The following ZNF586 variants were observed in gnomAD, a reference collection of about 807,000 sequenced individuals.
The protein encoded by ZNF586 is zinc finger protein 586.
ZNF586 carries 7 observed loss-of-function variants against 6.7 expected under a neutral mutation model. The observed-to-expected ratio is 1.04, with a 90% confidence interval of 0.59 to 1.95. The LOEUF is 1.95. ZNF586 is among the 30% of genes most tolerant of loss of function. ZNF586 has a pLI of 0.00. For missense variants in ZNF586, 442 were observed against 489.6 expected, an observed-to-expected ratio of 0.90 and a Z score of 0.92; for synonymous variants, 166 against 168.7, an observed-to-expected ratio of 0.98 and a Z score of 0.12.
chr19:57,770,872 G>A (rs1987078327), intron 1 of ZNF586, among the ~76,000 whole-genome samples: 1 of 150,518 alleles, frequency 6.6e-6, no homozygotes, highest in Admixed American at 6.6e-5. Context: ...TTTTTTCGGC[G>A]ACGGGTTCTC....
At chr19:57,775,035 T>C (rs1987196995) in intron 1 of ZNF586, among the ~76,000 whole-genome samples, 1 of 151,680 alleles carries the variant, frequency 6.6e-6, no homozygotes, top group Admixed American at 6.6e-5. Context: ...AGTCTCGCTC[T>C]GTCGCCCAGG....
Position 57,778,890 on chromosome 19 carries a change from C to A in ZNF586, c.303C>A (p.Ser101=). The part of the protein sequence containing the change: ...GEYRKLFKNK[S]CLTEPRRDHK... ...ATAGGAAATTATTTAAGAACAAGTC[C>A]TGCCTCACTGAACCCAGAAGAGATC... Residue 101 remains serine (S), a synonymous_variant, in exon 3 of 3, where the codon TCC becomes TCA. Coordinates refer to ENST00000396154, the MANE Select transcript of ZNF586 (RefSeq NM_017652.4). 6.2e-7 allele frequency: 1 copy of A among 1,614,082 alleles called. No individual in the cohort carries two copies. Among genetic ancestry groups the A allele is most frequent in the South Asian group, 1.1e-5 (1 of 91,072 alleles).
chr19:57,772,251 G>A (rs560729211), intron 1 of ZNF586, among the ~76,000 whole-genome samples: 27 of 152,336 alleles, frequency 1.8e-4, no homozygotes, highest in Admixed American at 7.8e-4. Flanking sequence ...GATAGCAGGT[G>A]TAATATTCAC....
At chr19:57,775,600 C>CTTT (rs563657252) in intron 1 of ZNF586, among the ~76,000 whole-genome samples, 4,730 of 122,686 alleles carry the variant, frequency 0.039, 490 homozygotes, top group African/African-American at 0.14. Context: ...CCTGGTTGCT[C>CTTT]TTTTTTTTTT....
intron 1 of ZNF586, among the ~76,000 whole-genome samples, chr19:57,773,379 G>A (rs1987142488): frequency 6.7e-6 from 1 of 150,132 alleles, no homozygotes; most frequent in Non-Finnish European, 1.5e-5. Flanking sequence ...CATGAAGGGA[G>A]GATACATCTG....
chr19:57,776,700 G>A (rs371453624), intron 2 of ZNF586, 31 bp downstream of exon 2: 206 of 1,567,908 alleles, frequency 1.3e-4, no homozygotes, highest in Non-Finnish European at 1.7e-4. Context: ...TGTGACCTGA[G>A]TTAGTCTGTG....
Position 57,780,038 on chromosome 19 carries a change from G to A in ZNF586, c.*242G>A. The A allele has an allele frequency of 2.0e-6, 1 of 509,092 alleles. No homozygotes were observed. Among genetic ancestry groups the A allele is most frequent in the Non-Finnish European group, 3.4e-6 (1 of 291,498 alleles). 31.5% of individuals were successfully genotyped at this position (509,092 alleles called of 1,614,324 possible). On this transcript the variant is annotated 3_prime_UTR_variant, in exon 3 of 3. Transcript: ENST00000396154. ...TTTACATGAGGAAAATACCACAGAT[G>A]TGGAGGTAATATTATTTTTTCTTCA... is the stretch of plus-strand genomic sequence containing the variant.
intron 1 of ZNF586, among the ~76,000 whole-genome samples, chr19:57,770,173 T>TA (rs975716785): frequency 6.7e-6 from 1 of 150,218 alleles, no homozygotes; most frequent in African/African-American, 2.4e-5. Flanking sequence ...TTTTTTTTTT[T>TA]TGAGACGGAG....
chr19:57,771,746 T>C (rs1282608757), intron 1 of ZNF586, among the ~76,000 whole-genome samples: 1 of 152,110 alleles, frequency 6.6e-6, no homozygotes. Context: ...ACTGCCCTAG[T>C]CGAGGTGAGG....
intron 2 of ZNF586, among the ~76,000 whole-genome samples, chr19:57,778,376 C>T (rs370417870): frequency 6.6e-6 from 1 of 152,080 alleles, no homozygotes; most frequent in Non-Finnish European, 1.5e-5. Context: ...TTCTCGGCCA[C>T]GTATATACCT....
intron 1 of ZNF586, among the ~76,000 whole-genome samples, chr19:57,771,829 AT>A (rs895469293): frequency 6.7e-5 from 10 of 149,874 alleles, no homozygotes; most frequent in African/African-American, 2.0e-4. Flanking sequence ...GGGCAAGTCA[AT>A]TTTTTTTTTC....
Position 57,779,537 on chromosome 19 carries a change from A to G in ZNF586, c.950A>G (p.His317Arg). The G allele has an allele frequency of 6.2e-7, 1 of 1,613,982 alleles. No homozygotes were observed. Among genetic ancestry groups the G allele is most frequent in the Non-Finnish European group, 8.5e-7 (1 of 1,179,990 alleles). ...HHQRVHTGER[H>R]ECGQCGKSFS... ...CAGCGAGTTCATACTGGAGAAAGGC[A>G]TGAGTGCGGGCAGTGTGGGAAATCC... The change falls in exon 3 of 3, where the codon CAT becomes CGT. Residue 317 changes from histidine (H) to arginine (R), a missense_variant. Coordinates refer to ENST00000396154, the MANE Select transcript of ZNF586 (RefSeq NM_017652.4).
chr19:57,779,060 C>A lies in ZNF586; in HGVS notation c.473C>A (p.Ser158Ter). 1 of 1,614,126 alleles carries A rather than the reference C, an allele frequency of 6.2e-7. No homozygotes were observed. Among genetic ancestry groups the A allele is most frequent in the Non-Finnish European group, 8.5e-7 (1 of 1,180,024 alleles). ...TATGAGTGCAGTGAGTGTGGAAAAT[C>A]ATTTCACCAAAGCTCTTCACTCTTG... ...KTYECSECGK[S>*]FHQSSSLLQR... Residue 158 changes from serine to a stop codon, truncating the protein, a stop_gained, in exon 3 of 3, where the codon TCA becomes TAA. Transcript: ENST00000396154. LOFTEE classifies it low-confidence loss of function (END_TRUNC).
intron 1 of ZNF586, among the ~76,000 whole-genome samples, chr19:57,774,214 C>A (rs547065333): frequency 7.8e-4 from 59 of 75,416 alleles, no homozygotes; most frequent in African/African-American, 4.1e-3. Context: ...GAAACTCCGT[C>A]TCAAAAAAAA....
intron 2 of ZNF586, among the ~76,000 whole-genome samples, chr19:57,777,830 AC>A (rs1176866226): frequency 7.8e-6 from 1 of 128,850 alleles, no homozygotes; most frequent in Non-Finnish European, 1.5e-5. Flanking sequence ...ATCTCGGCTC[AC>A]TGCAACCTCC....
rs2122547262 is a variant in ZNF586 at position 57,769,724 on chromosome 19, A to G, written c.-119A>G. 2.8e-6 allele frequency: 3 copies of G among 1,057,276 alleles called. No individual in the cohort carries two copies. The highest frequency in any genetic ancestry group is 2.8e-6 in the Non-Finnish European group (2 of 714,136). The allele number at this position is 1,057,276 out of a possible 1,614,324, so 65.5% of individuals were successfully genotyped here. ...GCTGGGTCTGGACGAGCTCGGGAGG[A>G]GTGGTTGTGGCCATTGCACACAGGC... On this transcript the variant is annotated 5_prime_UTR_variant, in exon 1 of 3. Coordinates refer to ENST00000396154, the MANE Select transcript of ZNF586 (RefSeq NM_017652.4).
chr19:57,774,866 A>G (rs908008195), intron 1 of ZNF586: 4 of 489,460 alleles, frequency 8.2e-6, no homozygotes, highest in Admixed American at 6.4e-5. Context: ...ACTACCTCAC[A>G]TGGTCTGAGT....
At chr19:57,774,317 G>A (rs1987171907) in intron 1 of ZNF586, among the ~76,000 whole-genome samples, 1 of 151,150 alleles carries the variant, frequency 6.6e-6, no homozygotes, top group Admixed American at 6.6e-5. Context: ...GAGGTCGGGA[G>A]TTGGAGACCA....
At chr19:57,777,670 A>G (rs1002831768) in intron 2 of ZNF586, among the ~76,000 whole-genome samples, 8 of 129,214 alleles carry the variant, frequency 6.2e-5, no homozygotes, top group Non-Finnish European at 9.6e-5. Context: ...CGTCTCACCT[A>G]TTTTTCTCAC....
Sources: allele counts gnomAD v4.1 joint callset (sites outside exome capture counted in the v4.1 genomes callset), GRCh38; gene constraint gnomAD v4.1.1; transcripts MANE v1.5; gene names NCBI Gene and HGNC (gene_info 2026-07-23, HGNC 2026-07-21).